TOX: variants seen among roughly 807,000 people sequenced by gnomAD.
TOX encodes thymocyte selection associated high mobility group box.
TOX carries 11 observed loss-of-function variants against 53.7 expected under a neutral mutation model. The ratio of observed to expected loss-of-function variants is 0.20; its 90% CI spans 0.13 to 0.34. The LOEUF (loss-of-function observed/expected upper bound fraction) is 0.34. TOX is among the 10% of genes least tolerant of loss of function. The probability of loss-of-function intolerance (pLI) is 1.00; values close to 1 mark genes in which losing one functional copy is unlikely to be tolerated. For missense variants in TOX, 570 were observed against 664.6 expected, an observed-to-expected ratio of 0.86 and a Z score of 1.56; for synonymous variants, 225 against 245.3, an observed-to-expected ratio of 0.92 and a Z score of 0.77.
chr8:58,920,573 G>T (rs1174931897), intron 3 of TOX, among the ~76,000 whole-genome samples: 1 of 68,744 alleles, frequency 1.5e-5, no homozygotes, highest in African/African-American at 5.6e-5. Flanking sequence ...CGGGGGAGGG[G>T]GGAGGGATAG....
At chr8:58,875,733 A>G (rs1811272156) in intron 3 of TOX, among the ~76,000 whole-genome samples, 1 of 152,174 alleles carries the variant, frequency 6.6e-6, no homozygotes, top group African/African-American at 2.4e-5. Flanking sequence ...ATGTTGGCAA[A>G]AGTTCTGGAA....
chr8:58,870,921 C>T (rs1223878878), intron 3 of TOX, among the ~76,000 whole-genome samples: 1 of 151,956 alleles, frequency 6.6e-6, no homozygotes, highest in African/African-American at 2.4e-5. Context: ...ATACAATTAG[C>T]CATCATGCTC....
chr8:58,868,498 G>A (rs1317351889), intron 3 of TOX, among the ~76,000 whole-genome samples: 2 of 152,124 alleles, frequency 1.3e-5, no homozygotes, highest in African/African-American at 2.4e-5. Flanking sequence ...ACATGGCAGA[G>A]TTTATCAGCA....
intron 1 of TOX, among the ~76,000 whole-genome samples, chr8:59,060,696 A>G (rs1803969026): frequency 6.6e-6 from 1 of 152,162 alleles, no homozygotes; most frequent in Admixed American, 6.5e-5. Context: ...CTAATAGCCA[A>G]TGTTTGTTTT....
chr8:58,967,603 T>C (rs139018839), intron 1 of TOX, among the ~76,000 whole-genome samples: 1 of 152,192 alleles, frequency 6.6e-6, no homozygotes, highest in Non-Finnish European at 1.5e-5. Flanking sequence ...GAGGAGGTTT[T>C]GGGTAACATA....
At chr8:58,999,074 C>G (rs1257797152) in intron 1 of TOX, among the ~76,000 whole-genome samples, 2 of 152,040 alleles carry the variant, frequency 1.3e-5, no homozygotes, top group Non-Finnish European at 2.9e-5. Context: ...ACTGAAAGTC[C>G]CAATAACTGG....
Position 58,998,549 on chromosome 8 carries a change from A to G in TOX, c.103-38541T>C, listed in dbSNP as rs4618682. Among the ~76,000 whole-genome samples the G allele has an allele frequency of 1.5e-3, 117 of 78,244 alleles. 1 individual carries two copies. The highest frequency in any genetic ancestry group is 5.8e-3 in the Middle Eastern group (1 of 172). 51.3% of individuals were successfully genotyped at this position (78,244 alleles called of 152,430 possible). A position where few individuals can be genotyped will look rare whatever the true frequency, so the allele number is the denominator to read the frequency against. ...TATATATATATATATAAATTTATAT[A>G]TAATAAATTTATGTAATAAATGTAT... On this transcript the variant is annotated intron_variant, in intron 1 of 8. Coordinates refer to ENST00000361421, the MANE Select transcript of TOX (RefSeq NM_014729.3).
chr8:58,940,489 G>A (rs1000848103), intron 2 of TOX, among the ~76,000 whole-genome samples: 1 of 152,046 alleles, frequency 6.6e-6, no homozygotes, highest in Non-Finnish European at 1.5e-5. Context: ...ATCAAACATC[G>A]TTACCAATTA....
chr8:58,823,770 C>T (rs1280901710), intron 6 of TOX, among the ~76,000 whole-genome samples: 2 of 152,206 alleles, frequency 1.3e-5, no homozygotes, highest in Non-Finnish European at 2.9e-5. Flanking sequence ...AAGTGTCCTG[C>T]AGCCCTGCTC....
At chr8:58,880,844 G>T (rs1585877113) in intron 3 of TOX, among the ~76,000 whole-genome samples, 1 of 152,168 alleles carries the variant, frequency 6.6e-6, no homozygotes, top group Non-Finnish European at 1.5e-5. Context: ...TGAAAGGAGG[G>T]TTTTAACTTT....
At chr8:58,914,843 G>A (rs956773831) in intron 3 of TOX, among the ~76,000 whole-genome samples, 7 of 151,852 alleles carry the variant, frequency 4.6e-5, no homozygotes, top group East Asian at 3.9e-4. Context: ...CAGTGTGTGC[G>A]CGCACCGTGC....
chr8:59,117,702 A>G lies in TOX; in HGVS notation c.102+1184T>C, dbSNP rs892011461. 7.2e-5 allele frequency among the ~76,000 whole-genome samples: 11 copies of G among 152,316 alleles called. No homozygotes were observed. The highest frequency in any genetic ancestry group is 2.6e-4 in the African/African-American group (11 of 41,570). ...CACCAGGCAAATGTTGGGAGTCCCA[A>G]CGATTTTTCCCGTGGAATGCACCGA... On this transcript the variant is annotated intron_variant, in intron 1 of 8. Transcript: ENST00000361421. The surrounding 1 kb of genome is among the most constrained non-coding windows in gnomAD (Gnocchi z 4.6).
chr8:58,835,790 A>G (rs566621066), intron 5 of TOX, among the ~76,000 whole-genome samples: 3 of 152,312 alleles, frequency 2.0e-5, no homozygotes, highest in Non-Finnish European at 2.9e-5. Context: ...CTGGGGTCAG[A>G]GGACAGATAA....
At chr8:59,035,481 CCT>C (rs920562081) in intron 1 of TOX, among the ~76,000 whole-genome samples, 3 of 152,174 alleles carry the variant, frequency 2.0e-5, no homozygotes, top group African/African-American at 7.2e-5. Context: ...CTCAAACGAT[CCT>C]CTGTGTCAGC....
chr8:58,873,958 C>CTTTTTTTTTTT (rs1173710545), intron 3 of TOX, among the ~76,000 whole-genome samples: 1,836 of 40,140 alleles, frequency 0.046, 490 homozygotes, highest in East Asian at 0.1. Context: ...TGCCAGGAAG[C>CTTTTTTTTTTT]TTTTTTTTTT....
At chr8:58,897,450 T>C (rs184031637) in intron 3 of TOX, among the ~76,000 whole-genome samples, 2 of 152,338 alleles carry the variant, frequency 1.3e-5, no homozygotes, top group East Asian at 3.9e-4. Context: ...CACAAGTTCA[T>C]GTCAACCACA....
intron 1 of TOX, among the ~76,000 whole-genome samples, chr8:59,082,250 T>C (rs1168686798): frequency 1.3e-5 from 2 of 152,250 alleles, no homozygotes; most frequent in Non-Finnish European, 2.9e-5. Context: ...TGCCTTAAAG[T>C]TTGCTTTTAA....
intron 3 of TOX, among the ~76,000 whole-genome samples, chr8:58,929,824 G>A (rs1812230808): frequency 1.3e-5 from 2 of 152,008 alleles, no homozygotes; most frequent in African/African-American, 4.8e-5. Flanking sequence ...TCATATTACT[G>A]CTACTTCTGC....
intron 7 of TOX, among the ~76,000 whole-genome samples, chr8:58,814,840 G>A (rs1350400074): frequency 6.6e-6 from 1 of 152,124 alleles, no homozygotes; most frequent in East Asian, 1.9e-4. Flanking sequence ...TCAGTTCTTA[G>A]GACTTTCAGG....
Sources: allele counts gnomAD v4.1 joint callset (sites outside exome capture counted in the v4.1 genomes callset), GRCh38; gene constraint gnomAD v4.1.1; non-coding constraint Gnocchi (gnomAD v3.1); transcripts MANE v1.5; gene names NCBI Gene and HGNC (gene_info 2026-07-23, HGNC 2026-07-21).